Variants in FAM20B observed in about 807,000 individuals in gnomAD.
The protein encoded by FAM20B is glycosaminoglycan xylosylkinase.
Under a neutral mutation model 43.8 loss-of-function variants are expected in FAM20B, and 23 were observed. The ratio of observed to expected loss-of-function variants is 0.53; its 90% CI spans 0.38 to 0.74. The LOEUF is 0.74. Ranked by LOEUF, FAM20B falls within the 30% of genes least tolerant of loss-of-function variation. The probability of loss-of-function intolerance (pLI) is 0.00; values close to 1 mark genes in which losing one functional copy is unlikely to be tolerated. For missense variants in FAM20B, 440 were observed against 510.5 expected (o/e 0.86, Z 1.33); for synonymous variants, 178 against 192.4 (o/e 0.93, Z 0.62).
At chr1:179,032,979 G>T (rs1268228793) in intron 1 of FAM20B, among the ~76,000 whole-genome samples, 2 of 152,304 alleles carry the variant, frequency 1.3e-5, no homozygotes, top group South Asian at 2.1e-4. Context: ...CATCAGTAGA[G>T]ACATTTATTT....
chr1:179,041,726 G>A (rs975128739), intron 1 of FAM20B, among the ~76,000 whole-genome samples: 6 of 149,444 alleles, frequency 4.0e-5, no homozygotes, highest in Non-Finnish European at 8.9e-5. Flanking sequence ...GACGGGAGAC[G>A]GGCCGGGAGA....
At chr1:179,065,920 A>G (rs777694000) in intron 6 of FAM20B, among the ~76,000 whole-genome samples, 3 of 152,148 alleles carry the variant, frequency 2.0e-5, no homozygotes, top group Non-Finnish European at 4.4e-5. Flanking sequence ...GGTGCCTTCT[A>G]TGTGTCCTCA....
At chr1:179,047,308 C>T (rs541124881) in intron 2 of FAM20B, among the ~76,000 whole-genome samples, 68 of 152,132 alleles carry the variant, frequency 4.5e-4, no homozygotes, top group Non-Finnish European at 7.4e-4. Flanking sequence ...AAACCACTTC[C>T]GTTCTTCCCC....
the FAM20B span, among the ~76,000 whole-genome samples, chr1:179,017,648 C>T: frequency 6.6e-6 from 1 of 152,112 alleles, no homozygotes; most frequent in African/African-American, 2.4e-5. Context: ...CATTTTATAA[C>T]CTGTGATGCT....
chr1:179,021,056 G>A (rs1649596625), upstream of FAM20B, among the ~76,000 whole-genome samples: 1 of 152,148 alleles, frequency 6.6e-6, no homozygotes, highest in Non-Finnish European at 1.5e-5. Flanking sequence ...GGGCGACAGA[G>A]GGAGACTTTG....
chr1:179,034,142 C>G (rs568474983), intron 1 of FAM20B, among the ~76,000 whole-genome samples: 10 of 152,208 alleles, frequency 6.6e-5, no homozygotes, highest in Non-Finnish European at 1.3e-4. Context: ...TGGCACTTCA[C>G]CTGGGGTGAC....
intron 4 of FAM20B, among the ~76,000 whole-genome samples, chr1:179,062,220 G>A (rs372033586): frequency 6.6e-6 from 1 of 152,104 alleles, no homozygotes; most frequent in Non-Finnish European, 1.5e-5. Flanking sequence ...CCCTGTGGGC[G>A]CTAGGTGTGC....
At chr1:179,035,529 C>T (rs997995405) in intron 1 of FAM20B, 15 of 660,028 alleles carry the variant, frequency 2.3e-5, no homozygotes, top group Non-Finnish European at 3.7e-5. Flanking sequence ...CACTATATTT[C>T]GAATGATGAA....
chr1:179,025,876 C>T (rs1353547689), upstream of FAM20B: 1 of 131,222 alleles, frequency 7.6e-6, no homozygotes, highest in Non-Finnish European at 1.6e-5. Context: ...CAGCCGGGGG[C>T]CTCGGAGGCG....
At chr1:179,055,708 A>G (rs1238547490) in intron 4 of FAM20B, among the ~76,000 whole-genome samples, 1 of 152,180 alleles carries the variant, frequency 6.6e-6, no homozygotes, top group African/African-American at 2.4e-5. Flanking sequence ...CAGATGGTCA[A>G]CTCACACATT....
upstream of FAM20B, among the ~76,000 whole-genome samples, chr1:179,021,345 T>C (rs991229714): frequency 6.6e-6 from 1 of 152,294 alleles, no homozygotes; most frequent in South Asian, 2.1e-4. Context: ...TAAATACCAA[T>C]ATGCCTGTGG....
intron 4 of FAM20B, among the ~76,000 whole-genome samples, chr1:179,063,195 T>C (rs1488778274): frequency 1.3e-5 from 2 of 152,126 alleles, no homozygotes; most frequent in Admixed American, 1.3e-4. Flanking sequence ...AAGAATTGCT[T>C]GAACCTGGGA....
At chr1:179,053,604 A>G (rs906218435) in intron 3 of FAM20B, among the ~76,000 whole-genome samples, 9 of 152,036 alleles carry the variant, frequency 5.9e-5, no homozygotes, top group East Asian at 1.9e-4. Flanking sequence ...CTGGATTTCT[A>G]TGTTATTTTG....
At chr1:179,022,265 CAG>C (rs550348777), upstream of FAM20B, among the ~76,000 whole-genome samples, 19 of 152,326 alleles carry the variant, frequency 1.2e-4, no homozygotes, top group East Asian at 3.7e-3. Context: ...TGGAAGGAAA[CAG>C]AGAGATATGT....
rs538190667 is a variant in FAM20B, at chr1:179,041,889, A to G, written c.-133-1826A>G. Among the ~76,000 whole-genome samples, 9 of 152,324 alleles carry G rather than the reference A, an allele frequency of 5.9e-5. No homozygotes were observed. The East Asian group carries it at 9.6e-4, about 16-fold the overall frequency. ...TTTGAAAGTTAAAAAAATGAAAGTT[A>G]AACAATTATGTATAGCTTGCTCTTT... On this transcript the variant is annotated intron_variant, in intron 1 of 7. Transcript: ENST00000263733.
chr1:179,051,951 A>G (rs550192595), intron 3 of FAM20B, among the ~76,000 whole-genome samples: 4 of 152,256 alleles, frequency 2.6e-5, no homozygotes, highest in South Asian at 2.1e-4. Flanking sequence ...CCCAGCCTAA[A>G]AATGAATTTA....
At chr1:179,047,783 G>A (rs1355588171) in intron 2 of FAM20B, among the ~76,000 whole-genome samples, 1 of 152,224 alleles carries the variant, frequency 6.6e-6, no homozygotes, top group African/African-American at 2.4e-5. Context: ...TAGTCCTGGT[G>A]TAAGTGCAAA....
At chr1:179,057,603 A>G (rs1284069613) in intron 4 of FAM20B, among the ~76,000 whole-genome samples, 1 of 152,204 alleles carries the variant, frequency 6.6e-6, no homozygotes, top group African/African-American at 2.4e-5. Flanking sequence ...ACTTTCCCAA[A>G]GTCACAAAAC....
At chr1:179,055,427 A>G (rs556238822) in intron 4 of FAM20B, among the ~76,000 whole-genome samples, 1 of 152,236 alleles carries the variant, frequency 6.6e-6, no homozygotes, top group African/African-American at 2.4e-5. Flanking sequence ...GTGGATTTAC[A>G]TTTAAAATGA....
Sources: allele counts gnomAD v4.1 joint callset (sites outside exome capture counted in the v4.1 genomes callset), GRCh38; gene constraint gnomAD v4.1.1; transcripts MANE v1.5; gene names NCBI Gene and HGNC (gene_info 2026-07-23, HGNC 2026-07-21).